MYCBP2: variants seen among roughly 807,000 people sequenced by gnomAD.
MYCBP2 encodes MYC binding protein 2.
A neutral mutation model predicts 525.3 loss-of-function variants in MYCBP2; 120 were observed. The observed-to-expected ratio is 0.23, with a 90% CI of 0.20 to 0.27. The LOEUF (loss-of-function observed/expected upper bound fraction) is 0.27, where lower values mean the gene tolerates loss of function less well. Ranked by LOEUF, MYCBP2 falls within the 10% of genes least tolerant of loss-of-function variation. The probability of loss-of-function intolerance (pLI) is 1.00; values close to 1 mark genes in which losing one functional copy is unlikely to be tolerated. For missense variants in MYCBP2, 4,149 were observed against 5,657.1 expected (o/e 0.73, Z 8.55); for synonymous variants, 1,894 against 1,955.8 (o/e 0.97, Z 0.83).
chr13:77,281,991 A>C (rs1436661012), intron 3 of MYCBP2, among the ~76,000 whole-genome samples: 1 of 152,232 alleles, frequency 6.6e-6, no homozygotes, highest in Non-Finnish European at 1.5e-5. Context: ...TGTTTGTATA[A>C]AGCAAATATT....
At chr13:77,193,863 T>A (rs1013603773) in intron 27 of MYCBP2, among the ~76,000 whole-genome samples, 9 of 152,138 alleles carry the variant, frequency 5.9e-5, no homozygotes, top group Non-Finnish European at 1.2e-4. Context: ...AAACTAGGTA[T>A]TCCGTAAGAG....
chr13:77,227,491 C>T (rs993694006), intron 18 of MYCBP2, among the ~76,000 whole-genome samples: 4 of 147,192 alleles, frequency 2.7e-5, no homozygotes, highest in Admixed American at 6.8e-5. Flanking sequence ...TACACACACA[C>T]ACACACACAC....
At chr13:77,137,911 A>T (rs2054007055) in intron 52 of MYCBP2, among the ~76,000 whole-genome samples, 1 of 152,190 alleles carries the variant, frequency 6.6e-6, no homozygotes, top group East Asian at 1.9e-4. Flanking sequence ...AACAAAAACC[A>T]ACTCCCCCTT....
intron 56 of MYCBP2, 68 bp from the exon 57 acceptor site, chr13:77,096,549 C>T (rs1372367337): frequency 2.0e-6 from 3 of 1,498,414 alleles, no homozygotes; most frequent in Admixed American, 1.9e-5. Flanking sequence ...CCTTATTACT[C>T]ATACATTAAT....
intron 49 of MYCBP2, among the ~76,000 whole-genome samples, chr13:77,143,505 C>A (rs1315372720): frequency 6.6e-6 from 1 of 152,204 alleles, no homozygotes; most frequent in African/African-American, 2.4e-5. Context: ...TGGCCTCAGA[C>A]TGAGAGTTAC....
intron 54 of MYCBP2, among the ~76,000 whole-genome samples, chr13:77,123,478 G>A (rs545785618): frequency 2.0e-5 from 3 of 152,158 alleles, no homozygotes; most frequent in Non-Finnish European, 4.4e-5. Context: ...TAGCATGGAA[G>A]GCATTTTGCA....
chr13:77,092,264 G>A (rs1273040749), intron 59 of MYCBP2, among the ~76,000 whole-genome samples: 6 of 151,950 alleles, frequency 3.9e-5, no homozygotes, highest in African/African-American at 1.5e-4. Flanking sequence ...ACAGTTATTC[G>A]TGACTGAAAT....
chr13:77,122,937 G>C (rs867800827), intron 54 of MYCBP2, among the ~76,000 whole-genome samples: 3 of 152,134 alleles, frequency 2.0e-5, no homozygotes, highest in Admixed American at 6.5e-5. Flanking sequence ...AAACACCCAT[G>C]AACAGTAAAC....
In MYCBP2 at chr13:77,064,750, G is replaced by C. The variant is rs774072760; in HGVS notation, c.12553-16C>G. 2 of 1,601,412 alleles carry C rather than the reference G, an allele frequency of 1.2e-6. No homozygotes were observed. The highest frequency in any genetic ancestry group is 1.7e-6 in the Non-Finnish European group (2 of 1,174,454). On this transcript the variant is annotated splice_polypyrimidine_tract_variant and intron_variant, in intron 72 of 82. Transcript: ENST00000544440. Reference sequence around the variant, plus strand: ...ACAGATGACCCTATTGAGCAGAACAGAGTATTTTAATAAGTGACCAGAAAT... The same window carrying C: ...ACAGATGACCCTATTGAGCAGAACACAGTATTTTAATAAGTGACCAGAAAT...
At chr13:77,244,603 G>A (rs892148069) in intron 15 of MYCBP2, among the ~76,000 whole-genome samples, 3 of 152,130 alleles carry the variant, frequency 2.0e-5, no homozygotes, top group Admixed American at 6.5e-5. Context: ...ACACAGGCAT[G>A]GGCAAAGACT....
chr13:77,065,068 T>G (rs1000077671), intron 72 of MYCBP2, among the ~76,000 whole-genome samples: 3 of 152,212 alleles, frequency 2.0e-5, no homozygotes, highest in African/African-American at 7.2e-5. Context: ...GTTTGTCACT[T>G]AGCATAAAAT....
chr13:77,273,624 C>A lies in MYCBP2; in HGVS notation c.793G>T (p.Gly265Trp). The A allele has an allele frequency of 6.3e-7, 1 of 1,576,002 alleles. No individual in the cohort carries two copies. The highest frequency in any genetic ancestry group is 8.6e-7 in the Non-Finnish European group (1 of 1,167,116). The stretch of plus-strand genomic sequence containing the variant: ...GACTGTCCTGTGCTGTCATTCATCC[C>A]AGTACTTCGAACGGTGATTTCCAAA... ...LLLEITVRST[G>W]MNDSTGQSLT... The change falls in exon 5 of 83, where the codon GGG (glycine) becomes TGG (tryptophan). Residue 265 changes from glycine (G) to tryptophan (W), a missense_variant. This residue lies in a region of MYCBP2 where 413 missense variants were observed against 451.2 expected (regional missense o/e 0.92). Transcript: ENST00000544440.
At chr13:77,049,710 A>G (rs1021922770) in intron 82 of MYCBP2, among the ~76,000 whole-genome samples, 1 of 151,866 alleles carries the variant, frequency 6.6e-6, no homozygotes, top group Non-Finnish European at 1.5e-5. Flanking sequence ...ATCTTGGCTC[A>G]CTGCAACCTC....
chr13:77,149,807 G>A (rs2056185441), intron 47 of MYCBP2, among the ~76,000 whole-genome samples: 1 of 152,084 alleles, frequency 6.6e-6, no homozygotes, highest in Non-Finnish European at 1.5e-5. Flanking sequence ...AGGTTCTACT[G>A]ATTCTATTGA....
chr13:77,255,747 TA>T (rs2072074643), intron 14 of MYCBP2, among the ~76,000 whole-genome samples: 1 of 151,998 alleles, frequency 6.6e-6, no homozygotes, highest in African/African-American at 2.4e-5. Flanking sequence ...GACACACGAA[TA>T]AGGCAAAGAC....
At chr13:77,221,642 G>A (rs566050404) in intron 20 of MYCBP2, among the ~76,000 whole-genome samples, 210 of 152,110 alleles carry the variant, frequency 1.4e-3, no homozygotes, top group Non-Finnish European at 2.7e-3. Context: ...TAACTGCAAT[G>A]CACCTTTCCC....
rs528429046 is a variant in MYCBP2 at position 77,309,245 on chromosome 13, T to A, written c.303-12571A>T. ...GTGAGTGGGTGTTGGCTCATTATAA[T>A]TTCTTATTGCCAACCTCAAGAACCT... On this transcript the variant is annotated intron_variant, in intron 1 of 82. Transcript: ENST00000544440. 2.0e-5 allele frequency among the ~76,000 whole-genome samples: 3 copies of A among 152,344 alleles called. No homozygotes were observed. The South Asian group carries it at 6.2e-4, about 32-fold the overall frequency.
At chr13:77,073,239 T>C (rs1385895679) in intron 68 of MYCBP2, among the ~76,000 whole-genome samples, 2 of 152,048 alleles carry the variant, frequency 1.3e-5, no homozygotes, top group Non-Finnish European at 1.5e-5. Context: ...ATGGATTATC[T>C]TACGGAATAA....
chr13:77,240,992 T>C (rs1039561990), intron 17 of MYCBP2, among the ~76,000 whole-genome samples: 23 of 152,220 alleles, frequency 1.5e-4, no homozygotes, highest in Admixed American at 2.6e-4. Context: ...TCTATATATT[T>C]AGGACTGCAG....
Sources: allele counts gnomAD v4.1 joint callset (sites outside exome capture counted in the v4.1 genomes callset), GRCh38; gene constraint gnomAD v4.1.1; regional missense constraint gnomAD v4.1.1; transcripts MANE v1.5; gene names NCBI Gene and HGNC (gene_info 2026-07-23, HGNC 2026-07-21).